The following OCA2 variants were observed in gnomAD, a reference collection of about 807,000 sequenced individuals.
OCA2 encodes OCA2 melanosomal transmembrane protein.
OCA2 carries 77 observed loss-of-function variants against 100.2 expected under a neutral mutation model. The ratio of observed to expected loss-of-function variants is 0.77; its 90% CI spans 0.64 to 0.93. The LOEUF (loss-of-function observed/expected upper bound fraction) is 0.93, where lower values mean the gene tolerates loss of function less well. OCA2 is among the 40% of genes least tolerant of loss of function. The pLI is 0.00. For synonymous variants in OCA2, 432 were observed against 439.2 expected (o/e 0.98, Z 0.21); for missense variants, 1,062 against 1,089.1 (o/e 0.98, Z 0.35).
chr15:27,891,385 T>C (rs189216157), intron 19 of OCA2, among the ~76,000 whole-genome samples: 2 of 151,952 alleles, frequency 1.3e-5, no homozygotes, highest in African/African-American at 4.8e-5. Flanking sequence ...AAAAGAAACA[T>C]GGGTATGTAC....
rs534334386 is a variant in OCA2, at chr15:27,928,358, G to C, written c.1952-2104C>G. On this transcript the variant is annotated intron_variant, in intron 18 of 23. Transcript: ENST00000354638. ...TTTAGCCAATCTGAATAGAGCAAGT[G>C]AGAAAACAAAATTTCCAGTATCAAG... is the stretch of plus-strand genomic sequence containing the variant. Among the ~76,000 whole-genome samples, 90 of 152,186 alleles carry C rather than the reference G, an allele frequency of 5.9e-4. 1 individual carries two copies. Among genetic ancestry groups the C allele is most frequent in the African/African-American group, 2.1e-3 (88 of 41,522 alleles).
intron 19 of OCA2, among the ~76,000 whole-genome samples, chr15:27,878,384 T>C (rs1203135122): frequency 6.6e-6 from 1 of 152,182 alleles, no homozygotes; most frequent in African/African-American, 2.4e-5. Context: ...ACATGTCTTA[T>C]AGAGCAGGTC....
intron 22 of OCA2, among the ~76,000 whole-genome samples, chr15:27,847,047 G>C (rs542643325): frequency 1.6e-4 from 25 of 152,110 alleles, no homozygotes; most frequent in Non-Finnish European, 3.4e-4. Flanking sequence ...CCTGCAACCA[G>C]ATGTGTCTGA....
chr15:27,783,165 C>A (rs1046029778), intron 23 of OCA2, among the ~76,000 whole-genome samples: 1 of 152,182 alleles, frequency 6.6e-6, no homozygotes, highest in Admixed American at 6.5e-5. Context: ...AGCTCATTAG[C>A]AGTGTCCAGG....
intron 19 of OCA2, among the ~76,000 whole-genome samples, chr15:27,916,031 G>A (rs1304339712): frequency 1.3e-5 from 2 of 152,172 alleles, no homozygotes; most frequent in African/African-American, 4.8e-5. Flanking sequence ...ATGAAATCAT[G>A]TCCTTTGCAG....
chr15:27,766,335 C>A (rs908703035), intron 23 of OCA2, among the ~76,000 whole-genome samples: 3 of 152,078 alleles, frequency 2.0e-5, no homozygotes, highest in African/African-American at 7.2e-5. Flanking sequence ...CTGAAGCATG[C>A]CCTGAGAAGG....
chr15:27,937,897 A>G (rs942564391), intron 18 of OCA2, among the ~76,000 whole-genome samples: 9 of 152,232 alleles, frequency 5.9e-5, no homozygotes, highest in African/African-American at 1.7e-4. Flanking sequence ...ACTTTGAGAC[A>G]TAAGTTCCTA....
chr15:28,014,867 A>G lies in OCA2; in HGVS notation c.953T>C (p.Met318Thr), dbSNP rs764662281. ...LQQTQAVPLL[M>T]AHQYLRGSVE... Reference sequence around the variant, plus strand: ...ACTTCCGCGGAGGTACTGATGAGCCATCAAAAGAGGGACAGCCTGGGTCTG... The same window carrying G: ...ACTTCCGCGGAGGTACTGATGAGCCGTCAAAAGAGGGACAGCCTGGGTCTG... The change falls in exon 9 of 24, where the codon ATG becomes ACG. Residue 318 changes from methionine to threonine, a missense_variant. Physicochemically the swap from Met to Thr is moderately conservative, Grantham distance 81. Coordinates refer to ENST00000354638, the MANE Select transcript of OCA2 (RefSeq NM_000275.3). 1.2e-6 allele frequency: 2 copies of G among 1,614,174 alleles called. No individual in the cohort carries two copies. Among genetic ancestry groups the G allele is most frequent in the South Asian group, 2.2e-5 (2 of 91,074 alleles).
the OCA2 span, among the ~76,000 whole-genome samples, chr15:27,719,273 G>A: frequency 6.6e-5 from 10 of 152,034 alleles, no homozygotes; most frequent in East Asian, 1.9e-4. Context: ...TTCTTGCCAC[G>A]TCCTCATAGG....
chr15:27,789,988 T>C (rs1338482248), intron 23 of OCA2, among the ~76,000 whole-genome samples: 3 of 152,116 alleles, frequency 2.0e-5, no homozygotes, highest in African/African-American at 7.2e-5. Flanking sequence ...AACTATACTA[T>C]TAGAAAAATG....
intron 19 of OCA2, among the ~76,000 whole-genome samples, chr15:27,888,324 G>A (rs932182773): frequency 6.6e-6 from 1 of 152,196 alleles, no homozygotes; most frequent in Non-Finnish European, 1.5e-5. Context: ...TTGACTGCCT[G>A]CTGAAATAAA....
At chr15:27,735,688 C>T in the OCA2 span, among the ~76,000 whole-genome samples, 2 of 152,044 alleles carry the variant, frequency 1.3e-5, no homozygotes, top group Admixed American at 1.3e-4. Context: ...ACCTTACAGG[C>T]CAAGACAGTA....
intron 14 of OCA2, among the ~76,000 whole-genome samples, chr15:27,970,294 C>A (rs1368894879): frequency 6.7e-6 from 1 of 149,426 alleles, no homozygotes; most frequent in African/African-American, 2.5e-5. Context: ...ACCAACAAAC[C>A]AAAAAAAAAA....
intron 23 of OCA2, among the ~76,000 whole-genome samples, chr15:27,781,269 G>A (rs778164876): frequency 3.9e-5 from 6 of 152,160 alleles, no homozygotes; most frequent in Non-Finnish European, 8.8e-5. Context: ...AGCCTCCCTT[G>A]TATTCTTTTT....
At chr15:27,797,428 G>A (rs2033390946) in intron 23 of OCA2, among the ~76,000 whole-genome samples, 1 of 152,128 alleles carries the variant, frequency 6.6e-6, no homozygotes, top group Non-Finnish European at 1.5e-5. Context: ...GACCTTAAGG[G>A]AAGGAAAACC....
chr15:27,975,334 G>A (rs2040932408), intron 14 of OCA2, among the ~76,000 whole-genome samples: 1 of 152,148 alleles, frequency 6.6e-6, no homozygotes, highest in Admixed American at 6.5e-5. Context: ...GTGTAATGAA[G>A]TACAGTAGCC....
At chr15:27,828,042 C>T (rs756865196) in intron 23 of OCA2, among the ~76,000 whole-genome samples, 7 of 152,132 alleles carry the variant, frequency 4.6e-5, no homozygotes, top group Non-Finnish European at 1.0e-4. Context: ...CATTTCATAT[C>T]GTTCTTGTGA....
At chr15:27,852,603 A>G (rs1038813996) in intron 21 of OCA2, among the ~76,000 whole-genome samples, 8 of 152,166 alleles carry the variant, frequency 5.3e-5, no homozygotes, top group Admixed American at 3.9e-4. Context: ...GCTTCTGCAC[A>G]GCAAAAGAAA....
At chr15:27,882,634 G>A (rs569618203) in intron 19 of OCA2, among the ~76,000 whole-genome samples, 1 of 152,080 alleles carries the variant, frequency 6.6e-6, no homozygotes, top group Admixed American at 6.6e-5. Flanking sequence ...CTGTCTCCTG[G>A]ATACTGTCAA....
Sources: gnomAD v4.1 joint callset for allele counts (sites outside exome capture counted in the v4.1 genomes callset) on GRCh38, gnomAD v4.1.1 for gene constraint, MANE v1.5 for transcripts, NCBI Gene and HGNC (gene_info 2026-07-23, HGNC 2026-07-21) for gene names.